The following GFRA1 variants were observed in gnomAD, a reference collection of about 807,000 sequenced individuals.
GFRA1 encodes GDNF family receptor alpha-1.
In GFRA1, 16 loss-of-function variants were observed where a neutral mutation model predicts 51.6. That is an observed-to-expected ratio of 0.31 (90% CI 0.21 to 0.47). The LOEUF is 0.47. GFRA1 is among the 20% of genes least tolerant of loss of function. The pLI, the probability that GFRA1 is intolerant of heterozygous loss-of-function variation, is 1.00. For missense variants in GFRA1, 530 were observed against 594.3 expected (o/e 0.89, Z 1.13); for synonymous variants, 270 against 241.3 (o/e 1.12, Z -1.10).
chr10:116,165,771 C>T (rs186921601), intron 5 of GFRA1, among the ~76,000 whole-genome samples: 1 of 151,746 alleles, frequency 6.6e-6, no homozygotes, highest in Admixed American at 6.6e-5. Context: ...GAAAATAGGA[C>T]CTTGTGGCGA....
chr10:116,090,278 CTGTCCCATT>C lies in GFRA1; in HGVS notation c.1016-365_1016-357del, dbSNP rs1276729349. ...TCAGTACTGTTACTTGGGATCATAACTGTCCCATTTTCCAAGAAAATTCTTGTGCTCTGT... is the reference window on the plus strand; with the variant it reads ...TCAGTACTGTTACTTGGGATCATAACTTCCAAGAAAATTCTTGTGCTCTGT... On this transcript the variant is annotated intron_variant, in intron 8 of 10. Coordinates refer to ENST00000355422, the MANE Select transcript of GFRA1 (RefSeq NM_005264.8). 5.9e-5 allele frequency among the ~76,000 whole-genome samples: 9 copies of C among 152,178 alleles called. No individual in the cohort carries two copies. The East Asian group carries it at 1.7e-3, about 29-fold the overall frequency.
At chr10:116,251,063 C>A (rs1968307253) in intron 4 of GFRA1, among the ~76,000 whole-genome samples, 1 of 152,224 alleles carries the variant, frequency 6.6e-6, no homozygotes, top group African/African-American at 2.4e-5. Flanking sequence ...GTAAAAGGGT[C>A]CCCTTCTCCC....
chr10:116,231,658 A>T (rs990244755), intron 4 of GFRA1, among the ~76,000 whole-genome samples: 1 of 152,280 alleles, frequency 6.6e-6, no homozygotes, highest in Non-Finnish European at 1.5e-5. Context: ...CCCAAATTCT[A>T]GACCTTTGTC....
chr10:116,240,644 G>C (rs911927869), intron 4 of GFRA1, among the ~76,000 whole-genome samples: 1 of 152,124 alleles, frequency 6.6e-6, no homozygotes, highest in Non-Finnish European at 1.5e-5. Context: ...GGCATGATCT[G>C]CCCTCCAACA....
chr10:116,110,321 G>A (rs1172041138), intron 6 of GFRA1, among the ~76,000 whole-genome samples: 1 of 152,122 alleles, frequency 6.6e-6, no homozygotes, highest in African/African-American at 2.4e-5. Context: ...TGCCTGTGGA[G>A]GAGGTGCTGG....
At chr10:116,083,504 T>C (rs10490904) in intron 9 of GFRA1, among the ~76,000 whole-genome samples, 22,485 of 152,292 alleles carry the variant, frequency 0.15, 1,906 homozygotes, top group African/African-American at 0.23. Flanking sequence ...TGCTAGAAGA[T>C]TGAAATTTAC....
At chr10:116,240,725 C>T (rs1338234357) in intron 4 of GFRA1, among the ~76,000 whole-genome samples, 4 of 152,180 alleles carry the variant, frequency 2.6e-5, no homozygotes, top group African/African-American at 9.7e-5. Context: ...GAAACTAAAC[C>T]GTACGCATCT....
At chr10:116,090,608 A>C (rs1956293671) in intron 8 of GFRA1, among the ~76,000 whole-genome samples, 1 of 152,154 alleles carries the variant, frequency 6.6e-6, no homozygotes, top group African/African-American at 2.4e-5. Context: ...AGCTTATTAC[A>C]ATTTCATAGG....
At chr10:116,104,137 G>A (rs1956920104) in intron 6 of GFRA1, among the ~76,000 whole-genome samples, 1 of 152,196 alleles carries the variant, frequency 6.6e-6, no homozygotes. Flanking sequence ...CCCACTGGTA[G>A]TGGGATTATT....
At position 116,064,054 on chromosome 10, in the gene GFRA1, T is replaced by G; in HGVS notation, c.*344A>C. ...ACTGTTAAAATCATCATCATGATCA[T>G]GATGATCATCATCATGATCATGATG... On this transcript the variant is annotated 3_prime_UTR_variant, in exon 11 of 11. Coordinates refer to ENST00000355422, the MANE Select transcript of GFRA1 (RefSeq NM_005264.8). 1 of 114,154 alleles carries G rather than the reference T, an allele frequency of 8.8e-6. No individual in the cohort carries two copies. The highest frequency in any genetic ancestry group is 1.3e-5 in the Non-Finnish European group (1 of 74,770). The allele number at this position is 114,154 out of a possible 1,614,324, so 7.1% of individuals were successfully genotyped here.
chr10:116,255,635 T>C (rs867219984), intron 4 of GFRA1: 2 of 1,288,784 alleles, frequency 1.6e-6, no homozygotes, highest in African/African-American at 3.0e-5. Context: ...TTAGCTCACC[T>C]GGAATCCACT....
chr10:116,236,828 T>G (rs1005802061), intron 4 of GFRA1, among the ~76,000 whole-genome samples: 1 of 152,210 alleles, frequency 6.6e-6, no homozygotes, highest in Non-Finnish European at 1.5e-5. Flanking sequence ...TGTGATTATC[T>G]GTCTTCTCCA....
At position 116,267,941 on chromosome 10, in the gene GFRA1, ACAC is replaced by A. The variant is rs1413731756; in HGVS notation, c.418+1559_418+1561del. Among the ~76,000 whole-genome samples, 5 of 6,784 alleles carry A rather than the reference ACAC, an allele frequency of 7.4e-4. No homozygotes were observed. In the South Asian group the frequency reaches 0.023, roughly 31 times the overall value. The allele number at this position is 6,784 out of a possible 152,430, so 4.5% of individuals were successfully genotyped here. On this transcript the variant is annotated intron_variant, in intron 4 of 10. Transcript: ENST00000355422. Reference sequence around the variant, plus strand: ...TATGCCAAAACAGACTGACAGACTAACACACACACACACACACACACACACACA... The same window carrying A: ...TATGCCAAAACAGACTGACAGACTAAACACACACACACACACACACACACA...
chr10:116,095,345 G>T (rs2133900638), intron 7 of GFRA1, among the ~76,000 whole-genome samples: 1 of 152,348 alleles, frequency 6.6e-6, no homozygotes, highest in Non-Finnish European at 1.5e-5. Flanking sequence ...TTGAGTTGGA[G>T]ATACTCAACA....
intron 5 of GFRA1, among the ~76,000 whole-genome samples, chr10:116,204,613 T>C (rs1468545991): frequency 6.6e-6 from 1 of 152,204 alleles, no homozygotes; most frequent in Non-Finnish European, 1.5e-5. Context: ...AGGTTACTTT[T>C]GTTAAGGAAT....
chr10:116,086,381 G>A (rs1956100961), intron 9 of GFRA1, among the ~76,000 whole-genome samples: 1 of 152,132 alleles, frequency 6.6e-6, no homozygotes. Flanking sequence ...CACCATTCTG[G>A]AACGTTTACT....
chr10:116,224,556 T>C (rs1014781379), intron 4 of GFRA1, among the ~76,000 whole-genome samples: 2 of 152,332 alleles, frequency 1.3e-5, no homozygotes, highest in South Asian at 4.1e-4. Flanking sequence ...TGGATGAACC[T>C]TGAAAGCATG....
intron 5 of GFRA1, among the ~76,000 whole-genome samples, chr10:116,136,995 G>T (rs1958353182): frequency 6.6e-6 from 1 of 152,172 alleles, no homozygotes; most frequent in East Asian, 1.9e-4. Context: ...GATGGTCCAG[G>T]AATAAGTGTT....
chr10:116,198,630 G>A (rs550990383), intron 5 of GFRA1, among the ~76,000 whole-genome samples: 33 of 152,224 alleles, frequency 2.2e-4, no homozygotes, highest in Admixed American at 1.6e-3. Context: ...CCAAGCCCTG[G>A]TTTCCTTCTG....
Sources: allele counts gnomAD v4.1 joint callset (sites outside exome capture counted in the v4.1 genomes callset), GRCh38; gene constraint gnomAD v4.1.1; transcripts MANE v1.5; gene names NCBI Gene and HGNC (gene_info 2026-07-23, HGNC 2026-07-21).